The following KIN variants were observed in gnomAD, a reference collection of about 807,000 sequenced individuals.
The protein encoded by KIN is Kin17 DNA and RNA binding protein.
KIN carries 47 observed loss-of-function variants against 63.0 expected under a neutral mutation model. The ratio of observed to expected loss-of-function variants is 0.75; its 90% CI spans 0.59 to 0.95. The LOEUF (loss-of-function observed/expected upper bound fraction) is 0.95. KIN is among the 40% of genes least tolerant of loss of function. KIN has a pLI of 0.00. For missense variants in KIN, 408 were observed against 460.9 expected (o/e 0.89, Z 1.05); for synonymous variants, 160 against 157.7 (o/e 1.01, Z -0.11).
intron 7 of KIN, among the ~76,000 whole-genome samples, chr10:7,771,935 C>T (rs1048547413): frequency 1.3e-5 from 2 of 150,714 alleles, no homozygotes; most frequent in African/African-American, 2.4e-5. Context: ...AGAAAATTTA[C>T]TCAGCATCAT....
At chr10:7,774,751 T>G in intron 7 of KIN, 80 bp downstream of exon 7, 1 of 1,122,506 alleles carries the variant, frequency 8.9e-7, no homozygotes, top group Non-Finnish European at 1.3e-6. Context: ...AAAAAATGAT[T>G]CACAATACTT....
chr10:7,780,761 C>A (rs1189193812), intron 2 of KIN, among the ~76,000 whole-genome samples: 1 of 152,060 alleles, frequency 6.6e-6, no homozygotes, highest in Non-Finnish European at 1.5e-5. Flanking sequence ...TGGCTATGAA[C>A]CTTTAAAAAC....
intron 2 of KIN, among the ~76,000 whole-genome samples, chr10:7,781,944 G>A (rs568729339): frequency 6.6e-6 from 1 of 152,096 alleles, no homozygotes; most frequent in South Asian, 2.1e-4. Flanking sequence ...TGTAATCCCA[G>A]CTACTTGGGA....
chr10:7,783,156 C>T lies in KIN; in HGVS notation c.134G>A (p.Cys45Tyr), dbSNP rs764224607. 1 of 1,593,756 alleles carries T rather than the reference C, an allele frequency of 6.3e-7. No homozygotes were observed. The highest frequency in any genetic ancestry group is 8.5e-7 in the Non-Finnish European group (1 of 1,169,608). Reference sequence around the variant, plus strand: ...TTGTCTCTGATGAGATTCGGACATACAATGACACTTAAAGCCATTCTACAA... The same window carrying T: ...TTGTCTCTGATGAGATTCGGACATATAATGACACTTAAAGCCATTCTACAA... ...CRDENGFKCH[C>Y]MSESHQRQLL... The change falls in exon 2 of 13, where the codon TGT becomes TAT. Residue 45 changes from cysteine (C) to tyrosine (Y), a missense_variant. By Grantham distance (194) the Cys-to-Tyr change is radical. Transcript: ENST00000379562.
At position 7,778,941 on chromosome 10, in the gene KIN, T is replaced by C; in HGVS notation, c.455A>G (p.Gln152Arg). The C allele has an allele frequency of 6.2e-7, 1 of 1,614,126 alleles. No homozygotes were observed. The highest frequency in any genetic ancestry group is 1.6e-4 in the Middle Eastern group (1 of 6,062). Residue 152 changes from glutamine to arginine, a missense_variant, in exon 5 of 13, where the codon CAA becomes CGA. Transcript: ENST00000379562. Reference protein sequence around the residue: ...IDRDPETIRRQLELEKKKKQD... With the variant: ...IDRDPETIRRRLELEKKKKQD... ...CTTTTTCTTTTTCTCCAGTTCCAGT[T>C]GCCGGCGGATAGTTTCTGGGTCCCT...
intron 7 of KIN, among the ~76,000 whole-genome samples, chr10:7,773,954 T>G (rs1228324462): frequency 1.3e-5 from 2 of 152,232 alleles, no homozygotes; most frequent in South Asian, 2.1e-4. Flanking sequence ...TAGGTAGAAC[T>G]ACCTGACCAC....
At chr10:7,777,877 C>T (rs1013833585) in intron 5 of KIN, among the ~76,000 whole-genome samples, 6 of 147,744 alleles carry the variant, frequency 4.1e-5, no homozygotes, top group African/African-American at 5.1e-5. Flanking sequence ...CCAGCCTGGG[C>T]GACAGAGTGA....
chr10:7,780,237 T>A (rs371934712), intron 3 of KIN, 27 bp downstream of exon 3: 1 of 1,610,334 alleles, frequency 6.2e-7, no homozygotes, highest in Non-Finnish European at 8.5e-7. Context: ...ATAAAGCTGT[T>A]ATTTGCACAA....
chr10:7,778,539 G>A (rs939031140), intron 5 of KIN, among the ~76,000 whole-genome samples: 29 of 152,160 alleles, frequency 1.9e-4, no homozygotes, highest in Non-Finnish European at 1.5e-5. Flanking sequence ...AGGAGTTGGA[G>A]ACCGGCCTGA....
At chr10:7,787,245 G>A (rs1162571452) in intron 1 of KIN, among the ~76,000 whole-genome samples, 1 of 152,174 alleles carries the variant, frequency 6.6e-6, no homozygotes, top group East Asian at 1.9e-4. Context: ...AAGACCACAC[G>A]GTTGGTAAGT....
intron 10 of KIN, 52 bp from the exon 11 acceptor site, chr10:7,762,608 T>G: frequency 1.0e-6 from 1 of 984,252 alleles, no homozygotes. Context: ...TGCACACTCA[T>G]TTAAAAGGTC....
chr10:7,783,160 G>C lies in KIN; in HGVS notation c.130C>G (p.His44Asp). The C allele has an allele frequency of 6.3e-7, 1 of 1,591,168 alleles. No homozygotes were observed. ...QCRDENGFKC[H>D]CMSESHQRQL... ...CTCTGATGAGATTCGGACATACAAT[G>C]ACACTTAAAGCCATTCTACAAAAAA... Residue 44 changes from histidine (H) to aspartate (D), a missense_variant, in exon 2 of 13, where the codon CAT becomes GAT. By Grantham distance (81) the His-to-Asp change is moderately conservative. Around this residue, in one of 2 missense-constraint regions of KIN, gnomAD observed 110 missense variants for 164.9 expected, o/e 0.67. Transcript: ENST00000379562.
chr10:7,780,333 T>A, intron 2 of KIN, 26 bp from the exon 3 acceptor site: 4 of 1,563,978 alleles, frequency 2.6e-6, no homozygotes, highest in Non-Finnish European at 3.5e-6. Context: ...AGGAAAGCAT[T>A]AAGGTAATTT....
intron 8 of KIN, among the ~76,000 whole-genome samples, chr10:7,768,843 C>T (rs1242165077): frequency 6.6e-6 from 1 of 151,898 alleles, no homozygotes; most frequent in African/African-American, 2.4e-5. Context: ...ATGGTGAAAC[C>T]CCATCTCTAC....
At chr10:7,757,239 C>T (rs1288286123) in intron 12 of KIN, among the ~76,000 whole-genome samples, 3 of 152,174 alleles carry the variant, frequency 2.0e-5, no homozygotes. Context: ...GTGCTCACAT[C>T]TGTAATCCCA....
At chr10:7,766,732 C>A (rs1835551291) in intron 8 of KIN, among the ~76,000 whole-genome samples, 1 of 152,024 alleles carries the variant, frequency 6.6e-6, no homozygotes, top group Non-Finnish European at 1.5e-5. Flanking sequence ...TGATTCGAAA[C>A]CTAATTTTAG....
chr10:7,768,687 G>A (rs972629544), intron 8 of KIN, among the ~76,000 whole-genome samples: 17 of 152,144 alleles, frequency 1.1e-4, no homozygotes, highest in African/African-American at 3.1e-4. Context: ...CGTAACAAGC[G>A]CAGGGAGTTT....
intron 1 of KIN, among the ~76,000 whole-genome samples, chr10:7,785,642 C>T (rs1394454200): frequency 6.6e-6 from 1 of 151,940 alleles, no homozygotes; most frequent in Admixed American, 6.6e-5. Context: ...AAAATACAAA[C>T]ATTAGCCAGG....
In KIN at chr10:7,780,173, T is replaced by C; in HGVS notation, c.259A>G (p.Lys87Glu). 6.2e-7 allele frequency: 1 copy of C among 1,613,566 alleles called. No individual in the cohort carries two copies. Among genetic ancestry groups the C allele is most frequent in the Non-Finnish European group, 8.5e-7 (1 of 1,179,688 alleles). ...LELLRRRFGT[K>E]RVHNNIVYNE... ...TAGACAATGTTGTTGTGGACCCTTT[T>C]AGTGCCTGAGAACAAAATATGACAC... Residue 87 changes from lysine to glutamate, a missense_variant, in exon 4 of 13, where the codon AAA becomes GAA. Around this residue, in one of 2 missense-constraint regions of KIN, gnomAD observed 110 missense variants for 164.9 expected, o/e 0.67. Transcript: ENST00000379562.
Sources: gnomAD v4.1 joint callset for allele counts (sites outside exome capture counted in the v4.1 genomes callset) on GRCh38, gnomAD v4.1.1 for gene constraint, gnomAD v4.1.1 regional missense constraint, MANE v1.5 for transcripts, NCBI Gene and HGNC (gene_info 2026-07-23, HGNC 2026-07-21) for gene names.